LRRTM3: variants seen among roughly 807,000 people sequenced by gnomAD.
LRRTM3 encodes the protein leucine rich repeat transmembrane neuronal 3, also known as leucine-rich repeat transmembrane neuronal protein 3.
Under a neutral mutation model 44.7 loss-of-function variants are expected in LRRTM3, and 24 were observed. The ratio of observed to expected loss-of-function variants is 0.54; its 90% confidence interval spans 0.39 to 0.76. The LOEUF (loss-of-function observed/expected upper bound fraction) is 0.76, where lower values mean the gene tolerates loss of function less well. LRRTM3 is among the 30% of genes least tolerant of loss of function. The pLI, the probability that LRRTM3 is intolerant of heterozygous loss-of-function variation, is 0.00. For missense variants in LRRTM3, 587 were observed against 702.2 expected, an observed-to-expected ratio of 0.84 and a Z score of 1.85; for synonymous variants, 277 against 278.7, an observed-to-expected ratio of 0.99 and a Z score of 0.06.
chr10:66,996,862 A>C (rs77662984), intron 2 of LRRTM3, among the ~76,000 whole-genome samples: 2,055 of 152,184 alleles, frequency 0.014, 47 homozygotes, highest in African/African-American at 0.046. Flanking sequence ...CATGTGAACT[A>C]ACATCTGTAA....
At chr10:67,012,310 T>A (rs1382516977) in intron 2 of LRRTM3, 1 of 152,150 alleles carries the variant, frequency 6.6e-6, no homozygotes, top group Non-Finnish European at 1.5e-5. Flanking sequence ...AAAATAGAAA[T>A]GCCACCACCT....
In LRRTM3 at chr10:66,926,375, G is replaced by C. The variant is rs1193537327; in HGVS notation, c.-209G>C. 3.1e-6 allele frequency: 2 copies of C among 653,570 alleles called. No individual in the cohort carries two copies. Among genetic ancestry groups the C allele is most frequent in the Non-Finnish European group, 5.5e-6 (2 of 363,016 alleles). The allele number at this position is 653,570 out of a possible 1,614,324, so 40.5% of individuals were successfully genotyped here. Reference sequence around the variant, plus strand: ...GATTTTGATGTTTTGCTGCGAATGCGGTGTTGGGATTTATTTGTTCTTGGA... The same window carrying C: ...GATTTTGATGTTTTGCTGCGAATGCCGTGTTGGGATTTATTTGTTCTTGGA... On this transcript the variant is annotated 5_prime_UTR_variant, in exon 1 of 3. Coordinates refer to ENST00000361320, the MANE Select transcript of LRRTM3 (RefSeq NM_178011.5).
intron 2 of LRRTM3, among the ~76,000 whole-genome samples, chr10:66,932,703 AAATAAT>A (rs1043811901): frequency 1.2e-4 from 2 of 17,010 alleles, no homozygotes; most frequent in African/African-American, 1.7e-4. Flanking sequence ...TGAATTAAAG[AAATAAT>A]AATAATACAT....
chr10:67,085,136 T>C (rs1049836159), intron 2 of LRRTM3, among the ~76,000 whole-genome samples: 11 of 151,948 alleles, frequency 7.2e-5, no homozygotes, highest in African/African-American at 2.4e-4. Flanking sequence ...AATAATTACA[T>C]TGTTAATGAG....
In LRRTM3 at chr10:66,989,067, G is replaced by GT. The variant is rs554053847; in HGVS notation, c.1536+60622dup. Reference sequence around the variant, plus strand: ...GTTACCTCTCATAGCAAGAAAAAGTGTTTTTTTATTTCCTGTATTTCCTGG... The same window carrying GT: ...GTTACCTCTCATAGCAAGAAAAAGTGTTTTTTTTATTTCCTGTATTTCCTGG... On this transcript the variant is annotated intron_variant, in intron 2 of 2. Coordinates refer to ENST00000361320, the MANE Select transcript of LRRTM3 (RefSeq NM_178011.5). Among the ~76,000 whole-genome samples, 9 of 151,958 alleles carry GT rather than the reference G, an allele frequency of 5.9e-5. No individual in the cohort carries two copies. In the East Asian group the frequency reaches 1.2e-3, roughly 20 times the overall value.
intron 2 of LRRTM3, among the ~76,000 whole-genome samples, chr10:66,957,398 ATATATATATATATATG>A (rs1848855543): frequency 5.1e-4 from 5 of 9,742 alleles, no homozygotes; most frequent in African/African-American, 1.4e-3. Flanking sequence ...ATATACATAT[ATATATATATATATATG>A]CATATATATA....
chr10:66,984,932 C>T (rs1850643045), intron 2 of LRRTM3, among the ~76,000 whole-genome samples: 1 of 151,934 alleles, frequency 6.6e-6, no homozygotes, highest in African/African-American at 2.4e-5. Context: ...AACATTAATT[C>T]AAGGTAGGCA....
At chr10:66,997,312 C>A (rs1824200287) in intron 2 of LRRTM3, among the ~76,000 whole-genome samples, 1 of 152,164 alleles carries the variant, frequency 6.6e-6, no homozygotes, top group African/African-American at 2.4e-5. Flanking sequence ...CTGATACAAT[C>A]TGAGCAGGAA....
chr10:67,067,343 T>C (rs1925570), intron 2 of LRRTM3, among the ~76,000 whole-genome samples: 54,413 of 152,030 alleles, frequency 0.36, 10,172 homozygotes, highest in Middle Eastern at 0.56. Flanking sequence ...ATAAACCATA[T>C]ACTAAGCAAA....
chr10:66,978,094 G>A (rs1850166536), intron 2 of LRRTM3, among the ~76,000 whole-genome samples: 1 of 150,244 alleles, frequency 6.7e-6, no homozygotes, highest in African/African-American at 2.5e-5. Context: ...ACACACACAT[G>A]CGATGACGTT....
At chr10:67,091,735 C>A (rs1365577467) in intron 2 of LRRTM3, among the ~76,000 whole-genome samples, 2 of 151,902 alleles carry the variant, frequency 1.3e-5, no homozygotes, top group Non-Finnish European at 2.9e-5. Flanking sequence ...AAGAAAGTAA[C>A]TGGCAAATCA....
intron 2 of LRRTM3, among the ~76,000 whole-genome samples, chr10:66,943,425 T>A (rs938621419): frequency 6.6e-6 from 1 of 152,058 alleles, no homozygotes; most frequent in African/African-American, 2.4e-5. Flanking sequence ...CTTTTTATGG[T>A]ATATCTTCAA....
intron 2 of LRRTM3, among the ~76,000 whole-genome samples, chr10:67,016,767 C>A (rs955505517): frequency 3.9e-5 from 6 of 152,126 alleles, no homozygotes; most frequent in African/African-American, 1.2e-4. Flanking sequence ...AGTTGTGAGG[C>A]TTCCTTGCTT....
At chr10:67,053,802 G>A (rs1855263543) in intron 2 of LRRTM3, among the ~76,000 whole-genome samples, 1 of 152,146 alleles carries the variant, frequency 6.6e-6, no homozygotes, top group Non-Finnish European at 1.5e-5. Context: ...TTTTCCCATT[G>A]AGATTAATCT....
intron 2 of LRRTM3, among the ~76,000 whole-genome samples, chr10:67,024,455 A>T (rs1458527647): frequency 6.6e-6 from 1 of 152,212 alleles, no homozygotes; most frequent in Non-Finnish European, 1.5e-5. Context: ...TTGCTGTGAA[A>T]GGTAACATAG....
At chr10:66,946,934 AAT>A (rs531361338) in intron 2 of LRRTM3, among the ~76,000 whole-genome samples, 16 of 152,184 alleles carry the variant, frequency 1.1e-4, no homozygotes, top group Admixed American at 9.2e-4. Flanking sequence ...GGCGCTGGTA[AAT>A]CTTAATCTTA....
chr10:67,002,356 A>C (rs540345871), intron 2 of LRRTM3, among the ~76,000 whole-genome samples: 1 of 152,278 alleles, frequency 6.6e-6, no homozygotes, highest in East Asian at 1.9e-4. Context: ...ATCTAGGATC[A>C]TTGTTTACAT....
At chr10:67,059,407 A>AT (rs1855627132) in intron 2 of LRRTM3, among the ~76,000 whole-genome samples, 1 of 152,184 alleles carries the variant, frequency 6.6e-6, no homozygotes, top group Admixed American at 6.6e-5. Flanking sequence ...ATTGAAAACA[A>AT]TTAATTGCAA....
At chr10:67,005,383 T>C (rs753007407) in intron 2 of LRRTM3, among the ~76,000 whole-genome samples, 15 of 152,190 alleles carry the variant, frequency 9.9e-5, no homozygotes, top group Non-Finnish European at 1.3e-4. Context: ...AAGCAGACAT[T>C]CTCTATCTCA....
Sources: gnomAD v4.1 joint callset for allele counts (sites outside exome capture counted in the v4.1 genomes callset) on GRCh38, gnomAD v4.1.1 for gene constraint, MANE v1.5 for transcripts, NCBI Gene and HGNC (gene_info 2026-07-23, HGNC 2026-07-21) for gene names.